SGCZ: variants seen among roughly 807,000 people sequenced by gnomAD.
The protein encoded by SGCZ is zeta-sarcoglycan.
SGCZ carries 40 observed loss-of-function variants against 41.3 expected under a neutral mutation model. That is an observed-to-expected ratio of 0.97 (90% CI 0.75 to 1.26). SGCZ has a LOEUF of 1.26. Among genes scored for constraint, SGCZ ranks in the 50% most tolerant of loss-of-function variants. SGCZ has a pLI of 0.00. For missense variants in SGCZ, 552 were observed against 369.8 expected (o/e 1.49, Z -4.04); for synonymous variants, 206 against 137.5 (o/e 1.50, Z -3.49).
At chr8:15,031,722 C>A (rs1410398932) in intron 1 of SGCZ, among the ~76,000 whole-genome samples, 4 of 152,098 alleles carry the variant, frequency 2.6e-5, no homozygotes, top group Non-Finnish European at 5.9e-5. Context: ...ACAATGTCAG[C>A]TATATCAGTA....
intron 1 of SGCZ, among the ~76,000 whole-genome samples, chr8:14,851,728 C>T (rs1803333319): frequency 6.6e-6 from 1 of 151,516 alleles, no homozygotes; most frequent in Non-Finnish European, 1.5e-5. Context: ...TATATCTATC[C>T]TTTGTGTCAT....
chr8:14,997,166 T>C (rs1329341816), intron 1 of SGCZ, among the ~76,000 whole-genome samples: 1 of 152,236 alleles, frequency 6.6e-6, no homozygotes, highest in Non-Finnish European at 1.5e-5. Context: ...CACATTCACA[T>C]ATCTGTCCCG....
At chr8:14,968,150 T>G (rs1156524127) in intron 1 of SGCZ, among the ~76,000 whole-genome samples, 1 of 152,206 alleles carries the variant, frequency 6.6e-6, no homozygotes, top group Non-Finnish European at 1.5e-5. Flanking sequence ...GTTTAGAGAT[T>G]GAATTACTAT....
At chr8:14,267,614 T>C (rs1451674541) in intron 3 of SGCZ, among the ~76,000 whole-genome samples, 2 of 152,092 alleles carry the variant, frequency 1.3e-5, no homozygotes, top group Non-Finnish European at 2.9e-5. Flanking sequence ...GATATTTTTG[T>C]TGTCACTGTT....
chr8:14,264,535 G>A (rs964322057), intron 3 of SGCZ, among the ~76,000 whole-genome samples: 1 of 152,120 alleles, frequency 6.6e-6, no homozygotes, highest in African/African-American at 2.4e-5. Context: ...TGAACATGGG[G>A]CAACACAACA....
intron 1 of SGCZ, among the ~76,000 whole-genome samples, chr8:14,625,098 C>A (rs963827220): frequency 6.6e-6 from 1 of 152,020 alleles, no homozygotes; most frequent in African/African-American, 2.4e-5. Flanking sequence ...TCTTATTTGA[C>A]AGTTAAACTG....
At chr8:14,160,661 G>A (rs1427278885) in intron 5 of SGCZ, among the ~76,000 whole-genome samples, 1 of 152,122 alleles carries the variant, frequency 6.6e-6, no homozygotes, top group Non-Finnish European at 1.5e-5. Flanking sequence ...GCATGTGATT[G>A]CTCTTTATGG....
At chr8:14,776,588 G>A (rs1368903956) in intron 1 of SGCZ, among the ~76,000 whole-genome samples, 1 of 147,058 alleles carries the variant, frequency 6.8e-6, no homozygotes, top group Non-Finnish European at 1.5e-5. Context: ...CAGCCTCCCG[G>A]GTTCAGGCCA....
intron 2 of SGCZ, among the ~76,000 whole-genome samples, chr8:14,346,196 G>A (rs1802886846): frequency 6.6e-6 from 1 of 152,060 alleles, no homozygotes; most frequent in South Asian, 2.1e-4. Context: ...AACTGGGGTT[G>A]TGGAGTGAGT....
chr8:14,923,789 A>G (rs1438559232), intron 1 of SGCZ, among the ~76,000 whole-genome samples: 1 of 152,192 alleles, frequency 6.6e-6, no homozygotes, highest in African/African-American at 2.4e-5. Flanking sequence ...TTTTATAATC[A>G]TCAGTACAGC....
At chr8:14,890,192 G>A (rs1804960567) in intron 1 of SGCZ, among the ~76,000 whole-genome samples, 1 of 151,466 alleles carries the variant, frequency 6.6e-6, no homozygotes, top group South Asian at 2.1e-4. Context: ...ACTCCAGCCT[G>A]GGCGACAGAA....
At position 14,247,216 on chromosome 8, in the gene SGCZ, G is replaced by A. The variant is rs571690614; in HGVS notation, c.337-9537C>T. Among the ~76,000 whole-genome samples, 43 of 152,256 alleles carry A rather than the reference G, an allele frequency of 2.8e-4. No homozygotes were observed. The South Asian group carries it at 8.5e-3, about 30-fold the overall frequency. ...CGGTTATGAATTAGCTAGTCATGGA[G>A]GCCACTGCTAGGAATCTCTTCTGAG... On this transcript the variant is annotated intron_variant, in intron 3 of 7. Coordinates refer to ENST00000382080, the MANE Select transcript of SGCZ (RefSeq NM_139167.4).
At chr8:15,033,131 A>G (rs1446323803) in intron 1 of SGCZ, among the ~76,000 whole-genome samples, 2 of 151,874 alleles carry the variant, frequency 1.3e-5, no homozygotes, top group Non-Finnish European at 2.9e-5. Context: ...TAAGAGTCCC[A>G]GGGTCCAGGC....
At chr8:14,931,513 A>G (rs572139767) in intron 1 of SGCZ, among the ~76,000 whole-genome samples, 2 of 152,170 alleles carry the variant, frequency 1.3e-5, no homozygotes, top group Admixed American at 1.3e-4. Context: ...ATCAAGAGCA[A>G]TAACAAAATG....
chr8:14,378,631 C>G (rs1490251731), intron 2 of SGCZ, among the ~76,000 whole-genome samples: 3 of 151,950 alleles, frequency 2.0e-5, no homozygotes, highest in Non-Finnish European at 2.9e-5. Flanking sequence ...ACATGAGAAC[C>G]CTTGATTTAT....
intron 1 of SGCZ, among the ~76,000 whole-genome samples, chr8:14,650,594 A>G (rs1807365386): frequency 6.6e-6 from 1 of 151,912 alleles, no homozygotes; most frequent in Non-Finnish European, 1.5e-5. Context: ...CTTATAAGTG[A>G]CAGGTTATCT....
At chr8:14,945,875 G>C (rs1308577243) in intron 1 of SGCZ, among the ~76,000 whole-genome samples, 2 of 150,304 alleles carry the variant, frequency 1.3e-5, no homozygotes, top group African/African-American at 2.5e-5. Context: ...TACATCATCA[G>C]CTTCCCTGGT....
chr8:14,902,188 G>A (rs1223472645), intron 1 of SGCZ, among the ~76,000 whole-genome samples: 3 of 151,992 alleles, frequency 2.0e-5, no homozygotes, highest in Non-Finnish European at 4.4e-5. Context: ...GGTTCATTCT[G>A]GACCTCTCGT....
intron 3 of SGCZ, among the ~76,000 whole-genome samples, chr8:14,315,766 A>G (rs1264776264): frequency 6.6e-6 from 1 of 151,912 alleles, no homozygotes; most frequent in Non-Finnish European, 1.5e-5. Context: ...GTACATATAA[A>G]AAAGAAAAGC....
Sources: gnomAD v4.1 joint callset for allele counts (sites outside exome capture counted in the v4.1 genomes callset) on GRCh38, gnomAD v4.1.1 for gene constraint, MANE v1.5 for transcripts, NCBI Gene and HGNC (gene_info 2026-07-23, HGNC 2026-07-21) for gene names.